The following ACTL8 variants were observed in gnomAD, a reference collection of about 807,000 sequenced individuals.
The protein encoded by ACTL8 is actin like 8, also known as actin-like protein 8.
A neutral mutation model predicts 9.3 loss-of-function variants in ACTL8; 3 were observed. The observed-to-expected ratio is 0.32, with a 90% CI of 0.15 to 0.83. The LOEUF (loss-of-function observed/expected upper bound fraction) is 0.83, where lower values mean the gene tolerates loss of function less well. Ranked by LOEUF, ACTL8 falls within the 40% of genes least tolerant of loss-of-function variation. ACTL8 has a pLI of 0.57. For missense variants in ACTL8, 381 were observed against 492.2 expected, an observed-to-expected ratio of 0.77 and a Z score of 2.14; for synonymous variants, 224 against 205.9, an observed-to-expected ratio of 1.09 and a Z score of -0.75.
intron 1 of ACTL8, among the ~76,000 whole-genome samples, chr1:17,811,908 C>A (rs1232867414): frequency 1.3e-5 from 2 of 150,692 alleles, no homozygotes; most frequent in African/African-American, 4.9e-5. Context: ...GGCTGTGTGG[C>A]CCAGGTTGGA....
At chr1:17,798,377 C>T (rs964904446) in intron 1 of ACTL8, among the ~76,000 whole-genome samples, 5 of 152,040 alleles carry the variant, frequency 3.3e-5, no homozygotes, top group African/African-American at 9.7e-5. Flanking sequence ...GGCAGAAGAC[C>T]CACTGCTGCT....
In ACTL8 at chr1:17,823,190, A is replaced by G. The variant is rs1336491296; in HGVS notation, c.182A>G (p.Asp61Gly). 1.9e-6 allele frequency: 3 copies of G among 1,613,876 alleles called. No homozygotes were observed. The highest frequency in any genetic ancestry group is 2.7e-5 in the African/African-American group (2 of 74,850). Reference protein sequence around the residue: ...VSLGIDICHPDTFSYPIERGR... With the variant: ...VSLGIDICHPGTFSYPIERGR... ...CTGGGCATCGACATTTGCCATCCTG[A>G]CACCTTTAGCTACCCCATCGAGCGG... Residue 61 changes from aspartate (D) to glycine (G), a missense_variant, in exon 2 of 3, where the codon GAC becomes GGC. Transcript: ENST00000375406. The surrounding 1 kb of genome is among the most constrained non-coding windows in gnomAD (Gnocchi z 5.3).
intron 1 of ACTL8, among the ~76,000 whole-genome samples, chr1:17,764,638 C>T (rs2066031595): frequency 6.6e-6 from 1 of 152,160 alleles, no homozygotes; most frequent in Non-Finnish European, 1.5e-5. Context: ...CCTTGTGTCG[C>T]CCCCACGCTG....
intron 1 of ACTL8, among the ~76,000 whole-genome samples, chr1:17,785,568 G>A (rs904557539): frequency 7.2e-5 from 11 of 152,196 alleles, no homozygotes; most frequent in Admixed American, 2.0e-4. Context: ...TGGTCCTTCA[G>A]GGTCTTAGAT....
At chr1:17,810,651 A>C (rs540297108) in intron 1 of ACTL8, among the ~76,000 whole-genome samples, 1 of 152,284 alleles carries the variant, frequency 6.6e-6, no homozygotes, top group Non-Finnish European at 1.5e-5. Context: ...CCACCTCCAA[A>C]AATTCCTCCA....
intron 1 of ACTL8, among the ~76,000 whole-genome samples, chr1:17,781,038 A>G (rs2066151271): frequency 6.6e-6 from 1 of 152,108 alleles, no homozygotes; most frequent in South Asian, 2.1e-4. Flanking sequence ...GCAGACTGAG[A>G]TCAAGGTATC....
chr1:17,790,114 G>A (rs1257708073), intron 1 of ACTL8, among the ~76,000 whole-genome samples: 1 of 152,228 alleles, frequency 6.6e-6, no homozygotes, highest in Non-Finnish European at 1.5e-5. Context: ...AGCTCTCTGT[G>A]GGTCTGTGGC....
chr1:17,788,772 G>A (rs1412220134), intron 1 of ACTL8, among the ~76,000 whole-genome samples: 1 of 152,240 alleles, frequency 6.6e-6, no homozygotes, highest in Non-Finnish European at 1.5e-5. Context: ...AAGGCCCAGT[G>A]CAAACCAGAA....
intron 1 of ACTL8, among the ~76,000 whole-genome samples, chr1:17,769,218 C>A (rs149229255): frequency 1.3e-5 from 2 of 152,166 alleles, no homozygotes; most frequent in Non-Finnish European, 2.9e-5. Flanking sequence ...TTTCCTTCAG[C>A]CTTCCCTTCC....
At chr1:17,792,924 C>G (rs546378644) in intron 1 of ACTL8, among the ~76,000 whole-genome samples, 2 of 152,314 alleles carry the variant, frequency 1.3e-5, no homozygotes, top group South Asian at 4.1e-4. Flanking sequence ...CATAGGCTCT[C>G]TCTCTGGGGT....
intron 1 of ACTL8, among the ~76,000 whole-genome samples, chr1:17,822,256 C>CT (rs11388795): frequency 0.46 from 69,947 of 151,854 alleles, 16,853 homozygotes; most frequent in East Asian, 0.68. Flanking sequence ...AATCTTACCC[C>CT]CTGTGCCTCA....
chr1:17,800,465 C>G (rs2066312730), intron 1 of ACTL8, among the ~76,000 whole-genome samples: 2 of 151,928 alleles, frequency 1.3e-5, no homozygotes, highest in Admixed American at 1.3e-4. Flanking sequence ...GGTGGTCTCT[C>G]TGTCTCTTCT....
chr1:17,798,816 G>C (rs760726548), intron 1 of ACTL8, among the ~76,000 whole-genome samples: 1 of 152,090 alleles, frequency 6.6e-6, no homozygotes, highest in African/African-American at 2.4e-5. Flanking sequence ...GGGAAGCCAC[G>C]TGTGTGTTGT....
intron 1 of ACTL8, among the ~76,000 whole-genome samples, chr1:17,786,870 A>G (rs2066201550): frequency 1.3e-5 from 2 of 150,978 alleles, no homozygotes; most frequent in Admixed American, 1.3e-4. Flanking sequence ...ATTTTTTTAA[A>G]TGTTTTTTTT....
intron 1 of ACTL8, among the ~76,000 whole-genome samples, chr1:17,764,458 T>C (rs2066030033): frequency 1.3e-5 from 2 of 152,164 alleles, no homozygotes; most frequent in African/African-American, 2.4e-5. Context: ...TTTCTTCTTA[T>C]TGCTCTGTTA....
intron 1 of ACTL8, among the ~76,000 whole-genome samples, chr1:17,804,383 A>G (rs963032412): frequency 6.6e-6 from 1 of 152,074 alleles, no homozygotes; most frequent in South Asian, 2.1e-4. Context: ...TCCTCCCTGA[A>G]CCTTCACTTT....
intron 1 of ACTL8, among the ~76,000 whole-genome samples, chr1:17,816,211 T>TC: frequency 6.6e-6 from 1 of 151,890 alleles, no homozygotes; most frequent in Non-Finnish European, 1.5e-5. Context: ...TTTTTTTTTT[T>TC]TTTTTGAGAC....
intron 2 of ACTL8, among the ~76,000 whole-genome samples, chr1:17,825,168 G>A (rs565041310): frequency 1.6e-4 from 24 of 152,236 alleles, no homozygotes; most frequent in Middle Eastern, 3.4e-3. Flanking sequence ...CCAGAATTCC[G>A]GGTTTGTCTT....
chr1:17,773,466 T>C (rs1489848322), intron 1 of ACTL8, among the ~76,000 whole-genome samples: 1 of 152,230 alleles, frequency 6.6e-6, no homozygotes, highest in Non-Finnish European at 1.5e-5. Flanking sequence ...AAATGCAGGC[T>C]CTTCTAAAAT....
Sources: gnomAD v4.1 joint callset for allele counts (sites outside exome capture counted in the v4.1 genomes callset) on GRCh38, gnomAD v4.1.1 for gene constraint, Gnocchi (gnomAD v3.1) non-coding constraint, MANE v1.5 for transcripts, NCBI Gene and HGNC (gene_info 2026-07-23, HGNC 2026-07-21) for gene names.